Variants in BCAR3 observed in about 807,000 individuals in gnomAD.
The protein encoded by BCAR3 is breast cancer anti-estrogen resistance protein 3.
A neutral mutation model predicts 80.1 loss-of-function variants in BCAR3; 37 were observed. The ratio of observed to expected loss-of-function variants is 0.46; its 90% CI spans 0.36 to 0.61. BCAR3 has a LOEUF of 0.61. Among genes scored for constraint, BCAR3 ranks in the 20% least tolerant of loss-of-function variants. The pLI is 0.00. For synonymous variants in BCAR3, 389 were observed against 418.9 expected, an observed-to-expected ratio of 0.93 and a Z score of 0.87; for missense variants, 978 against 1,068.2, an observed-to-expected ratio of 0.92 and a Z score of 1.18.
chr1:93,786,601 T>A (rs59048850), intron 2 of BCAR3, among the ~76,000 whole-genome samples: 20,521 of 152,126 alleles, frequency 0.13, 2,170 homozygotes, highest in African/African-American at 0.28. Context: ...GGGAACAGGA[T>A]CAAATGTTGA....
chr1:93,714,005 T>G (rs1287565935), intron 2 of BCAR3, among the ~76,000 whole-genome samples: 1 of 152,162 alleles, frequency 6.6e-6, no homozygotes, highest in African/African-American at 2.4e-5. Flanking sequence ...TTTTTTGAGA[T>G]GGAGTCTCGC....
intron 1 of BCAR3, chr1:93,846,928 G>A (rs1387783091): frequency 4.8e-6 from 2 of 416,840 alleles, no homozygotes; most frequent in Non-Finnish European, 4.8e-6. Context: ...CCCGTTTTTC[G>A]AACCCCGCGC....
chr1:93,785,344 T>C (rs1365627838), intron 2 of BCAR3, among the ~76,000 whole-genome samples: 2 of 151,582 alleles, frequency 1.3e-5, no homozygotes, highest in Non-Finnish European at 2.9e-5. Flanking sequence ...TAACAGGGAG[T>C]GGTGGGGACT....
chr1:93,576,089 TTCC>T lies in BCAR3; in HGVS notation c.1724_1726del (p.Arg575del), dbSNP rs764367470. 2.8e-5 allele frequency: 45 copies of T among 1,614,002 alleles called. No homozygotes were observed. The highest frequency in any genetic ancestry group is 3.6e-5 in the Non-Finnish European group (43 of 1,180,006). On this transcript the variant is annotated inframe_deletion, in exon 8 of 12. Transcript: ENST00000260502. The stretch of plus-strand genomic sequence containing the variant: ...TTCCAGGCCTGAGCTCACCCCCATG[TTCC>T]TCCTCATCTCTTCAGAGACTCCAAG...
chr1:93,826,009 AAGG>A (rs1654360830), intron 2 of BCAR3, among the ~76,000 whole-genome samples: 1 of 152,204 alleles, frequency 6.6e-6, no homozygotes, highest in Non-Finnish European at 1.5e-5. Flanking sequence ...TGATGCACAG[AAGG>A]AGTTCAGTAA....
chr1:93,838,630 T>C (rs949871285), intron 2 of BCAR3, among the ~76,000 whole-genome samples: 1 of 152,202 alleles, frequency 6.6e-6, no homozygotes, highest in Non-Finnish European at 1.5e-5. Context: ...TAGTCATTTA[T>C]AGTCTGCTAC....
chr1:93,765,817 C>A (rs1299913007), intron 2 of BCAR3, among the ~76,000 whole-genome samples: 2 of 151,974 alleles, frequency 1.3e-5, no homozygotes, highest in Admixed American at 6.5e-5. Context: ...TAGGCGCCCA[C>A]CACCATGCCC....
chr1:93,606,527 A>G (rs1029888210), intron 3 of BCAR3, among the ~76,000 whole-genome samples: 8 of 152,210 alleles, frequency 5.3e-5, no homozygotes, highest in African/African-American at 1.7e-4. Context: ...AGCCACCAAC[A>G]TCCAATAAAA....
At chr1:93,694,248 C>T (rs768169024) in intron 3 of BCAR3, among the ~76,000 whole-genome samples, 1 of 152,214 alleles carries the variant, frequency 6.6e-6, no homozygotes, top group East Asian at 1.9e-4. Context: ...TGTTGGCTGG[C>T]AACTCCACTT....
At chr1:93,573,616 T>G (rs1406990235) in intron 8 of BCAR3, among the ~76,000 whole-genome samples, 4 of 140,430 alleles carry the variant, frequency 2.8e-5, no homozygotes, top group Non-Finnish European at 4.6e-5. Context: ...ATTTTTATTA[T>G]TATTATTATT....
intron 2 of BCAR3, chr1:93,723,533 G>C (rs1297997477): frequency 6.6e-6 from 1 of 152,388 alleles, no homozygotes; most frequent in African/African-American, 2.4e-5. Flanking sequence ...CTCCCTGGGA[G>C]AGTCTCCTGG....
chr1:93,740,170 T>C (rs1479956581), intron 2 of BCAR3, among the ~76,000 whole-genome samples: 1 of 152,116 alleles, frequency 6.6e-6, no homozygotes, highest in Non-Finnish European at 1.5e-5. Flanking sequence ...CTCCGGCAGG[T>C]ATCTTGTCAC....
chr1:93,806,318 C>G (rs2100796470), intron 2 of BCAR3, among the ~76,000 whole-genome samples: 1 of 152,272 alleles, frequency 6.6e-6, no homozygotes, highest in East Asian at 1.9e-4. Context: ...TAAATATTCT[C>G]TTCATAGGAG....
intron 2 of BCAR3, among the ~76,000 whole-genome samples, chr1:93,736,522 C>A (rs1650976853): frequency 1.3e-5 from 2 of 152,180 alleles, no homozygotes; most frequent in Admixed American, 1.3e-4. Context: ...GCCAGACACT[C>A]TACTAAGCCC....
chr1:93,681,113 A>C (rs995803441), intron 1 of BCAR3: 2 of 152,272 alleles, frequency 1.3e-5, no homozygotes, highest in Admixed American at 6.5e-5. Context: ...TTACCGGAGA[A>C]ACTCGCCTCC....
intron 2 of BCAR3, among the ~76,000 whole-genome samples, chr1:93,731,265 G>A (rs1044453393): frequency 3.9e-5 from 6 of 152,168 alleles, no homozygotes; most frequent in African/African-American, 1.4e-4. Context: ...CAAATAAAGG[G>A]TGGACTTTAC....
At chr1:93,639,145 C>T (rs1228276525) in intron 3 of BCAR3, among the ~76,000 whole-genome samples, 2 of 152,194 alleles carry the variant, frequency 1.3e-5, no homozygotes, top group Non-Finnish European at 2.9e-5. Flanking sequence ...TCCTCCATTC[C>T]ACTTGGGATG....
chr1:93,565,313 A>G (rs1043247376), intron 11 of BCAR3, among the ~76,000 whole-genome samples: 1 of 152,026 alleles, frequency 6.6e-6, no homozygotes, highest in South Asian at 2.1e-4. Flanking sequence ...TGATCTGCCT[A>G]CCTCAGCCTC....
At chr1:93,719,725 G>A (rs968927643) in intron 2 of BCAR3, among the ~76,000 whole-genome samples, 1 of 152,156 alleles carries the variant, frequency 6.6e-6, no homozygotes, top group African/African-American at 2.4e-5. Context: ...CTGAACTGCA[G>A]TGGAGAAGTC....
Sources: allele counts gnomAD v4.1 joint callset (sites outside exome capture counted in the v4.1 genomes callset), GRCh38; gene constraint gnomAD v4.1.1; transcripts MANE v1.5; gene names NCBI Gene and HGNC (gene_info 2026-07-23, HGNC 2026-07-21).